Variants in DHRSX observed in about 807,000 individuals in gnomAD.
The protein encoded by DHRSX is polyprenol dehydrogenase.
In DHRSX, 31 loss-of-function variants were observed where a neutral mutation model predicts 34.0. That is an observed-to-expected ratio of 0.91 (90% CI 0.69 to 1.23). The LOEUF (loss-of-function observed/expected upper bound fraction) is 1.23. Ranked by LOEUF, DHRSX falls within the 50% of genes most tolerant of loss-of-function variation. The probability of loss-of-function intolerance (pLI) is 0.00; values close to 1 mark genes in which losing one functional copy is unlikely to be tolerated. For synonymous variants in DHRSX, 201 were observed against 183.8 expected (o/e 1.09, Z -0.76); for missense variants, 414 against 428.1 (o/e 0.97, Z 0.29).
intron 1 of DHRSX, among the ~76,000 whole-genome samples, chrX:2,479,884 A>T (rs959164352): frequency 6.6e-6 from 1 of 152,164 alleles, no homozygotes; most frequent in African/African-American, 2.4e-5. Context: ...CACACTGAAG[A>T]TGTTCCCTAA....
chrX:2,386,884 T>G (rs2043278529), intron 3 of DHRSX, among the ~76,000 whole-genome samples: 1 of 62,522 alleles, frequency 1.6e-5, no homozygotes, highest in Non-Finnish European at 2.8e-5. Context: ...ATGGTTTTGT[T>G]TTTTTTTTTT....
chrX:2,265,802 A>G (rs1471589379), intron 5 of DHRSX, among the ~76,000 whole-genome samples: 18 of 131,004 alleles, frequency 1.4e-4, no homozygotes, highest in East Asian at 5.1e-4. Flanking sequence ...ACCGGTGTCC[A>G]GCAGACGCAG....
At chrX:2,323,276 T>C (rs1299635479) in intron 3 of DHRSX, among the ~76,000 whole-genome samples, 8 of 152,104 alleles carry the variant, frequency 5.3e-5, no homozygotes, top group Admixed American at 4.6e-4. Flanking sequence ...TAGAGATGCA[T>C]TGAATCTGTC....
chrX:2,269,950 T>A (rs1254136346), intron 4 of DHRSX, among the ~76,000 whole-genome samples: 2 of 152,202 alleles, frequency 1.3e-5, no homozygotes, highest in East Asian at 3.8e-4. Context: ...TCTATGCATA[T>A]GCATTTGTAC....
At chrX:2,329,607 G>C (rs1443899734) in intron 3 of DHRSX, among the ~76,000 whole-genome samples, 1 of 152,148 alleles carries the variant, frequency 6.6e-6, no homozygotes, top group Non-Finnish European at 1.5e-5. Context: ...AGCCTGCATG[G>C]ATGGTCCCTC....
At chrX:2,495,926 A>T (rs1747734406) in intron 1 of DHRSX, among the ~76,000 whole-genome samples, 1 of 152,178 alleles carries the variant, frequency 6.6e-6, no homozygotes, top group South Asian at 2.1e-4. Flanking sequence ...GAAGAAGCAG[A>T]GGAAGGAGCC....
At chrX:2,287,822 G>A (rs2041822734) in intron 4 of DHRSX, among the ~76,000 whole-genome samples, 1 of 152,202 alleles carries the variant, frequency 6.6e-6, no homozygotes, top group African/African-American at 2.4e-5. Context: ...GTGGAAGACT[G>A]AATAATGGCT....
At chrX:2,485,554 G>C (rs1043224326) in intron 1 of DHRSX, among the ~76,000 whole-genome samples, 2 of 138,452 alleles carry the variant, frequency 1.4e-5, no homozygotes, top group African/African-American at 5.7e-5. Flanking sequence ...AAGGGAGGGA[G>C]GGACAGAGGG....
rs1234598966 is a variant in DHRSX at position 2,314,467 on chromosome X, GGAGA to G, written c.287-22868_287-22865del. Among the ~76,000 whole-genome samples the G allele has an allele frequency of 9.8e-3, 396 of 40,266 alleles. 4 individuals are homozygous for G. The highest frequency in any genetic ancestry group is 0.029 in the African/African-American group (266 of 9,298). The allele number at this position is 40,266 out of a possible 152,430, so 26.4% of individuals were successfully genotyped here. On this transcript the variant is annotated intron_variant, in intron 3 of 6. Transcript: ENST00000334651. Reference sequence around the variant, plus strand: ...GAAGGGGAGAAGGGAGGAAGGAAGGGGAGAAGGAAGGAAGGAAGGAAGGGAGGTA... The same window carrying G: ...GAAGGGGAGAAGGGAGGAAGGAAGGGAGGAAGGAAGGAAGGAAGGGAGGTA...
chrX:2,336,529 G>C (rs1156410172), intron 3 of DHRSX: 1 of 151,898 alleles, frequency 6.6e-6, no homozygotes, highest in African/African-American at 2.4e-5. Context: ...TCAGTACTGG[G>C]GTATCCTGTT....
At chrX:2,390,514 G>A (rs1344443196) in intron 3 of DHRSX, among the ~76,000 whole-genome samples, 4 of 151,726 alleles carry the variant, frequency 2.6e-5, no homozygotes, top group Admixed American at 6.6e-5. Flanking sequence ...CCATTTTTAC[G>A]TACACAGTAA....
At chrX:2,243,325 T>C in intron 5 of DHRSX, 95 bp from the exon 6 acceptor site, 1 of 1,083,010 alleles carries the variant, frequency 9.2e-7, no homozygotes, top group East Asian at 2.5e-5. Context: ...CACGGCCACG[T>C]CTATACGCAG....
Position 2,291,463 on chromosome X carries a change from A to G in DHRSX, c.388+39T>C, listed in dbSNP as rs778109954. 34 of 1,521,012 alleles carry G rather than the reference A, an allele frequency of 2.2e-5. No individual in the cohort carries two copies. The South Asian group carries it at 2.4e-4, about 11-fold the overall frequency. The allele number at this position is 1,521,012 out of a possible 1,614,324, so 94.2% of individuals were successfully genotyped here. ...AAGCTAGAGTTCCTGTTTGCATTCA[A>G]ATTAACCCCTGGCTTGCTGCAATTT... On this transcript the variant is annotated intron_variant, in intron 4 of 6. Transcript: ENST00000334651.
At chrX:2,379,954 A>G (rs916170834) in intron 3 of DHRSX, among the ~76,000 whole-genome samples, 2 of 152,074 alleles carry the variant, frequency 1.3e-5, no homozygotes, top group African/African-American at 2.4e-5. Flanking sequence ...CCAAAACCCA[A>G]GGTTTTTCTT....
chrX:2,256,015 C>CTTT lies in DHRSX; in HGVS notation c.596+10722_596+10724dup, dbSNP rs768032121. Among the ~76,000 whole-genome samples, 558 of 139,964 alleles carry CTTT rather than the reference C, an allele frequency of 4.0e-3. 10 individuals carry two copies. The highest frequency in any genetic ancestry group is 0.014 in the African/African-American group (521 of 37,716). The allele number at this position is 139,964 out of a possible 152,430, so 91.8% of individuals were successfully genotyped here. On this transcript the variant is annotated intron_variant, in intron 5 of 6. Transcript: ENST00000334651. The stretch of plus-strand genomic sequence containing the variant: ...ATGATTTTGGAAGGTATGTGTCCCT[C>CTTT]TTTTTTTTTTTTTTTTCTCTCCAGG...
At chrX:2,302,163 T>C (rs2042020086) in intron 3 of DHRSX, among the ~76,000 whole-genome samples, 1 of 152,174 alleles carries the variant, frequency 6.6e-6, no homozygotes, top group African/African-American at 2.4e-5. Flanking sequence ...CTCCTGACCT[T>C]GTGATCTGAA....
intron 3 of DHRSX, among the ~76,000 whole-genome samples, chrX:2,371,794 T>A (rs755806438): frequency 3.0e-4 from 46 of 151,994 alleles, no homozygotes; most frequent in Admixed American, 2.9e-3. Flanking sequence ...AAAGCTCCCA[T>A]CTGTGGGAAT....
At position 2,420,167 on chromosome X, in the gene DHRSX, G is replaced by C. The variant is rs764307712; in HGVS notation, c.217+5030C>G. 4.6e-5 allele frequency among the ~76,000 whole-genome samples: 7 copies of C among 151,930 alleles called. No homozygotes were observed. In the South Asian group the frequency reaches 1.5e-3, roughly 32 times the overall value. On this transcript the variant is annotated intron_variant, in intron 2 of 6. Transcript: ENST00000334651. Reference sequence around the variant, plus strand: ...CTCACGCCTGTAATCCCAGCACTTTGGGAGGCCGAGGCAGGCAAATTACGA... The same window carrying C: ...CTCACGCCTGTAATCCCAGCACTTTCGGAGGCCGAGGCAGGCAAATTACGA...
At chrX:2,225,565 C>T (rs1211877997) in intron 6 of DHRSX, among the ~76,000 whole-genome samples, 1 of 152,148 alleles carries the variant, frequency 6.6e-6, no homozygotes, top group African/African-American at 2.4e-5. Context: ...CAGCCCTGCC[C>T]ACACCTTGAT....
Sources: gnomAD v4.1 joint callset for allele counts (sites outside exome capture counted in the v4.1 genomes callset) on GRCh38, gnomAD v4.1.1 for gene constraint, MANE v1.5 for transcripts, NCBI Gene and HGNC (gene_info 2026-07-23, HGNC 2026-07-21) for gene names.